Variants in SLC11A2 observed in about 807,000 individuals in gnomAD.
SLC11A2 encodes the protein solute carrier family 11 member 2.
Under a neutral mutation model 68.0 loss-of-function variants are expected in SLC11A2, and 38 were observed. The ratio of observed to expected loss-of-function variants is 0.56; its 90% CI spans 0.43 to 0.73. SLC11A2 has a LOEUF of 0.73. SLC11A2 is among the 30% of genes least tolerant of loss of function. The pLI, the probability that SLC11A2 is intolerant of heterozygous loss-of-function variation, is 0.00. For missense variants in SLC11A2, 517 were observed against 690.5 expected, an observed-to-expected ratio of 0.75 and a Z score of 2.82; for synonymous variants, 242 against 250.6, an observed-to-expected ratio of 0.97 and a Z score of 0.32.
At chr12:50,992,737 A>G in intron 12 of SLC11A2, 73 bp downstream of exon 12, 1 of 1,434,222 alleles carries the variant, frequency 7.0e-7, no homozygotes, top group Non-Finnish European at 9.5e-7. Flanking sequence ...TCTCAAAAAA[A>G]AAAAAAAAAG....
upstream of SLC11A2, among the ~76,000 whole-genome samples, chr12:51,026,819 C>T (rs1019625074): frequency 1.8e-4 from 28 of 151,948 alleles, no homozygotes; most frequent in African/African-American, 6.3e-4. Flanking sequence ...TCACTTGAGT[C>T]CAGGAGTTCG....
chr12:51,007,491 C>A (rs556388183), intron 3 of SLC11A2, among the ~76,000 whole-genome samples: 1 of 151,314 alleles, frequency 6.6e-6, no homozygotes. Flanking sequence ...CCCACCACTA[C>A]GCCCAGCTAA....
In SLC11A2 at chr12:51,005,728, A is replaced by AAAGG. The variant is rs934105492; in HGVS notation, c.184-296_184-293dup. The stretch of plus-strand genomic sequence containing the variant: ...ACCTCTGTGCCCAAACACTTCCCAA[A>AAAGG]AAGGACAAGAGCCACCATTTTAAAA... On this transcript the variant is annotated intron_variant, in intron 3 of 15. Transcript: ENST00000262052. 6 of 1,288,976 alleles carry AAAGG rather than the reference A, an allele frequency of 4.7e-6. No homozygotes were observed. The African/African-American group carries it at 7.6e-5, about 16-fold the overall frequency. 79.8% of individuals were successfully genotyped at this position (1,288,976 alleles called of 1,614,324 possible).
chr12:50,973,602 G>A, the SLC11A2 span, among the ~76,000 whole-genome samples: 3 of 152,192 alleles, frequency 2.0e-5, no homozygotes, highest in East Asian at 5.8e-4. Context: ...CCAAAGGAAT[G>A]CAGCTCCTCA....
intron 1 of SLC11A2, among the ~76,000 whole-genome samples, chr12:51,023,926 C>T (rs1944211040): frequency 6.6e-6 from 1 of 151,688 alleles, no homozygotes; most frequent in Non-Finnish European, 1.5e-5. Context: ...GGGAGGTCAA[C>T]CCTGCAGTGA....
intron 1 of SLC11A2, chr12:51,025,909 A>C: frequency 1.0e-6 from 1 of 987,988 alleles, no homozygotes; most frequent in Non-Finnish European, 1.2e-6. Flanking sequence ...GGCGCCGACG[A>C]AGAGGCCACG....
At chr12:51,012,974 C>T (rs74092398) in intron 1 of SLC11A2, among the ~76,000 whole-genome samples, 72 of 152,312 alleles carry the variant, frequency 4.7e-4, no homozygotes, top group African/African-American at 1.6e-3. Flanking sequence ...ACAGCCCCGA[C>T]GTTCCCGGCA....
chr12:50,976,108 T>C (rs11519977), downstream of SLC11A2, among the ~76,000 whole-genome samples: 22,132 of 151,836 alleles, frequency 0.15, 1,731 homozygotes, highest in South Asian at 0.26. Flanking sequence ...TTCCAATCAA[T>C]AGAAAAAGAG....
the SLC11A2 span, among the ~76,000 whole-genome samples, chr12:50,970,884 TA>T: frequency 4.7e-4 from 72 of 152,218 alleles, no homozygotes; most frequent in African/African-American, 1.6e-3. Flanking sequence ...TATTTTATTT[TA>T]TTTTATTTTT....
At chr12:51,013,569 C>T (rs1943403402) in intron 1 of SLC11A2, among the ~76,000 whole-genome samples, 1 of 151,414 alleles carries the variant, frequency 6.6e-6, no homozygotes, top group African/African-American at 2.4e-5. Context: ...ATCAGCTGGG[C>T]ACTGTTTAAG....
At chr12:51,027,216 T>C (rs1330538177), upstream of SLC11A2, among the ~76,000 whole-genome samples, 1 of 149,686 alleles carries the variant, frequency 6.7e-6, no homozygotes, top group Non-Finnish European at 1.5e-5. Context: ...GGCGCCCGCC[T>C]GTGGTCCCAG....
rs566233068 is a variant in SLC11A2 at position 50,988,551 on chromosome 12, C to A, written c.1576-116G>T. The A allele has an allele frequency of 2.1e-5, 32 of 1,508,958 alleles. No homozygotes were observed. The African/African-American group carries it at 4.1e-4, about 19-fold the overall frequency. 93.5% of individuals were successfully genotyped at this position (1,508,958 alleles called of 1,614,324 possible). On this transcript the variant is annotated intron_variant, in intron 15 of 15. Coordinates refer to ENST00000262052, the MANE Select transcript of SLC11A2 (RefSeq NM_000617.3). ...TCCTTGAACATCCAGCTGTGCCCAT[C>A]TTCTACCACCAAGGGTTGCACAAGT...
At chr12:51,009,719 T>C (rs928556164) in intron 2 of SLC11A2, among the ~76,000 whole-genome samples, 1 of 152,124 alleles carries the variant, frequency 6.6e-6, no homozygotes, top group African/African-American at 2.4e-5. Context: ...TCCATACACA[T>C]CTGAAACACC....
the SLC11A2 span, among the ~76,000 whole-genome samples, chr12:50,963,388 A>AAAAAAG: frequency 6.8e-6 from 1 of 147,082 alleles, no homozygotes; most frequent in African/African-American, 2.5e-5. Context: ...AAAAAAAAAA[A>AAAAAAG]AAAAAGAAAA....
the SLC11A2 span, among the ~76,000 whole-genome samples, chr12:50,971,627 T>C: frequency 5.1e-4 from 77 of 152,328 alleles, no homozygotes; most frequent in African/African-American, 1.8e-3. Context: ...GTCTAAAAAA[T>C]TAACTAGGCT....
In SLC11A2 at chr12:50,995,715, T is replaced by G; in HGVS notation, c.904A>C (p.Ile302Leu). 1 of 1,614,060 alleles carries G rather than the reference T, an allele frequency of 6.2e-7. No individual in the cohort carries two copies. The change falls in exon 10 of 16, where the codon ATT (isoleucine) becomes CTT (leucine). Residue 302 changes from isoleucine (I) to leucine (L), a missense_variant. Physicochemically the swap from Ile to Leu is conservative, Grantham distance 5. Coordinates refer to ENST00000262052, the MANE Select transcript of SLC11A2 (RefSeq NM_000617.3). Reference protein sequence around the residue: ...ANKYFFIESCIALFVSFIINV... With the variant: ...ANKYFFIESCLALFVSFIINV... ...ATGATGAAGGAAACAAAGAGTGCAA[T>G]GCAGGATTCAATGAAAAAGTACTTA...
At chr12:51,003,236 A>C (rs1342507930) in intron 5 of SLC11A2, among the ~76,000 whole-genome samples, 1 of 151,816 alleles carries the variant, frequency 6.6e-6, no homozygotes, top group South Asian at 2.1e-4. Flanking sequence ...CTCCGTCTCA[A>C]ACAAACAAAC....
chr12:50,965,459 T>C, the SLC11A2 span, among the ~76,000 whole-genome samples: 65 of 152,208 alleles, frequency 4.3e-4, 1 homozygote, highest in East Asian at 9.7e-3. Context: ...TGGTATTTCC[T>C]ACTATAATAG....
At chr12:50,977,999 T>C (rs1221242741), downstream of SLC11A2, among the ~76,000 whole-genome samples, 2 of 152,088 alleles carry the variant, frequency 1.3e-5, no homozygotes, top group Non-Finnish European at 2.9e-5. Flanking sequence ...AAACAACAGG[T>C]ACTAGAGAGG....
Sources: allele counts gnomAD v4.1 joint callset (sites outside exome capture counted in the v4.1 genomes callset), GRCh38; gene constraint gnomAD v4.1.1; transcripts MANE v1.5; gene names NCBI Gene and HGNC (gene_info 2026-07-23, HGNC 2026-07-21).